The following SLC23A2 variants were observed in gnomAD, a reference collection of about 807,000 sequenced individuals.
The protein encoded by SLC23A2 is Na(+)/L-ascorbic acid transporter 2.
A neutral mutation model predicts 73.3 loss-of-function variants in SLC23A2; 36 were observed. That is an observed-to-expected ratio of 0.49 (90% CI 0.38 to 0.65). SLC23A2 has a LOEUF of 0.65. Ranked by LOEUF, SLC23A2 falls within the 30% of genes least tolerant of loss-of-function variation. The pLI, the probability that SLC23A2 is intolerant of heterozygous loss-of-function variation, is 0.00. For synonymous variants in SLC23A2, 343 were observed against 327.3 expected (o/e 1.05, Z -0.52); for missense variants, 507 against 841.6 (o/e 0.60, Z 4.92).
chr20:4,948,465 T>C (rs2122127808), intron 2 of SLC23A2, among the ~76,000 whole-genome samples: 1 of 152,286 alleles, frequency 6.6e-6, no homozygotes, highest in South Asian at 2.1e-4. Context: ...TACCAAGAGT[T>C]CCTCTTCCCT....
intron 6 of SLC23A2, among the ~76,000 whole-genome samples, chr20:4,889,999 G>A (rs1016210395): frequency 1.3e-5 from 2 of 152,090 alleles, no homozygotes; most frequent in East Asian, 1.9e-4. Flanking sequence ...GATGCCGGGC[G>A]GCTTGCAGTC....
rs1929668883 is a variant in SLC23A2, at chr20:4,855,193, C to T, written c.*1779G>A. 6.6e-6 allele frequency: 1 copy of T among 152,384 alleles called. No homozygotes were observed. The highest frequency in any genetic ancestry group is 1.5e-5 in the Non-Finnish European group (1 of 68,016). The allele number at this position is 152,384 out of a possible 1,614,324, so 9.4% of individuals were successfully genotyped here. A position where few individuals can be genotyped will look rare whatever the true frequency, so the allele number is the denominator to read the frequency against. On this transcript the variant is annotated 3_prime_UTR_variant, in exon 17 of 17. Transcript: ENST00000338244. ...TTCTTGCCAGAATAAACCTTGAAGC[C>T]CCAAACTTCCAAGAGTGAAGGGGGC...
At chr20:4,973,655 C>T (rs1307493053) in intron 1 of SLC23A2, among the ~76,000 whole-genome samples, 8 of 152,198 alleles carry the variant, frequency 5.3e-5, no homozygotes, top group Non-Finnish European at 8.8e-5. Flanking sequence ...CAGAGCGCTC[C>T]GCTGAATGCC....
At chr20:4,922,735 G>A (rs889009810) in intron 3 of SLC23A2, among the ~76,000 whole-genome samples, 1 of 152,006 alleles carries the variant, frequency 6.6e-6, no homozygotes, top group South Asian at 2.1e-4. Flanking sequence ...GGGAGGCTGA[G>A]GCACAAGAAC....
chr20:4,946,610 A>G (rs1480698813), intron 2 of SLC23A2, among the ~76,000 whole-genome samples: 1 of 152,186 alleles, frequency 6.6e-6, no homozygotes, highest in Non-Finnish European at 1.5e-5. Flanking sequence ...CCAAAGACTT[A>G]GTCCCAGAAG....
intron 3 of SLC23A2, among the ~76,000 whole-genome samples, chr20:4,916,891 G>A (rs999528319): frequency 1.3e-5 from 2 of 152,202 alleles, no homozygotes; most frequent in African/African-American, 4.8e-5. Context: ...CTGAGCACAT[G>A]TGAGGTAGGC....
intron 6 of SLC23A2, among the ~76,000 whole-genome samples, chr20:4,896,736 G>T (rs1414741603): frequency 6.6e-6 from 1 of 152,150 alleles, no homozygotes; most frequent in African/African-American, 2.4e-5. Context: ...GATCCCCTGG[G>T]ATGGTCCTCA....
At chr20:4,966,391 T>C (rs1412480239) in intron 2 of SLC23A2, among the ~76,000 whole-genome samples, 2 of 152,144 alleles carry the variant, frequency 1.3e-5, no homozygotes, top group East Asian at 1.9e-4. Context: ...TAAAGCTATG[T>C]GGGGTTTAAA....
chr20:4,861,957 G>C lies in SLC23A2; in HGVS notation c.1615C>G (p.Leu539Val). 1 of 1,614,168 alleles carries C rather than the reference G, an allele frequency of 6.2e-7. No homozygotes were observed. The highest frequency in any genetic ancestry group is 1.3e-5 in the African/African-American group (1 of 75,054). The change falls in exon 15 of 17, where the codon CTG (leucine) becomes GTG (valine). Residue 539 changes from leucine (L) to valine (V), a missense_variant. Physicochemically the swap from Leu to Val is conservative, Grantham distance 32. Around this residue, in one of 5 missense-constraint regions of SLC23A2, gnomAD observed 168 missense variants for 302.3 expected, o/e 0.56. Transcript: ENST00000338244. ...VLPSYLRQNP[L>V]VTGITGIDQV... is the part of the protein sequence containing the mutation. ...AAGCCCATTTCCTCACCTGTGACCA[G>C]AGGGTTCTGTCTGAGGTAACTTGGA... is the stretch of plus-strand genomic sequence containing the variant.
At chr20:4,866,988 G>A (rs1385585175) in intron 13 of SLC23A2, among the ~76,000 whole-genome samples, 1 of 149,406 alleles carries the variant, frequency 6.7e-6, no homozygotes, top group African/African-American at 2.5e-5. Flanking sequence ...CCTCCCAGTT[G>A]GGATCCCATT....
chr20:4,954,373 C>T (rs1402766140), intron 2 of SLC23A2, among the ~76,000 whole-genome samples: 1 of 152,008 alleles, frequency 6.6e-6, no homozygotes, highest in Non-Finnish European at 1.5e-5. Context: ...ATCTATCATG[C>T]CACAAGGAAA....
At chr20:4,957,800 C>A (rs2087315741) in intron 2 of SLC23A2, among the ~76,000 whole-genome samples, 1 of 150,736 alleles carries the variant, frequency 6.6e-6, no homozygotes, top group Non-Finnish European at 1.5e-5. Flanking sequence ...ACTCGGGAGG[C>A]TGAGGCAGGA....
At chr20:4,866,268 G>A (rs929786311) in intron 13 of SLC23A2, among the ~76,000 whole-genome samples, 1 of 152,176 alleles carries the variant, frequency 6.6e-6, no homozygotes, top group Non-Finnish European at 1.5e-5. Flanking sequence ...TGCTCACCCA[G>A]AACAGTACAG....
intron 2 of SLC23A2, among the ~76,000 whole-genome samples, chr20:4,948,298 G>A (rs2087148095): frequency 1.3e-5 from 2 of 151,998 alleles, no homozygotes; most frequent in South Asian, 2.1e-4. Flanking sequence ...ACCCAATTAC[G>A]CCTGCTTGGT....
chr20:4,856,931 T>TA lies in SLC23A2; in HGVS notation c.*40dup. 1.0e-5 allele frequency: 13 copies of TA among 1,273,424 alleles called. No individual in the cohort carries two copies. The highest frequency in any genetic ancestry group is 1.5e-5 in the Non-Finnish European group (13 of 876,888). 78.9% of individuals were successfully genotyped at this position (1,273,424 alleles called of 1,614,324 possible). On this transcript the variant is annotated 3_prime_UTR_variant, in exon 17 of 17. Coordinates refer to ENST00000338244, the MANE Select transcript of SLC23A2 (RefSeq NM_005116.6). The surrounding 1 kb of genome is among the most constrained non-coding windows in gnomAD (Gnocchi z 4.6). ...TTGTTACTCAGCAAGGAACTACAGA[T>TA]ACATGCCTCACTGCGGCCAGGCCAC...
chr20:4,933,929 A>C, intron 2 of SLC23A2, among the ~76,000 whole-genome samples: 1 of 152,320 alleles, frequency 6.6e-6, no homozygotes, highest in Admixed American at 6.5e-5. Flanking sequence ...GGAACTCTTC[A>C]TGGGACACTT....
upstream of SLC23A2, among the ~76,000 whole-genome samples, chr20:5,004,743 T>C (rs1004301052): frequency 1.2e-4 from 18 of 152,178 alleles, no homozygotes; most frequent in Admixed American, 9.8e-4. Context: ...CTCACGCCTG[T>C]AATCCCAGCA....
chr20:4,897,756 G>A (rs1225498664), intron 6 of SLC23A2, among the ~76,000 whole-genome samples: 1 of 152,130 alleles, frequency 6.6e-6, no homozygotes, highest in Admixed American at 6.5e-5. Flanking sequence ...TGCCCATCAG[G>A]CTCAGCTGCT....
chr20:4,914,383 T>C (rs192991805), intron 3 of SLC23A2, among the ~76,000 whole-genome samples: 9 of 152,124 alleles, frequency 5.9e-5, no homozygotes, highest in Admixed American at 6.5e-5. Flanking sequence ...ATGGAAATAA[T>C]TATTAAAATT....
Sources: allele counts gnomAD v4.1 joint callset (sites outside exome capture counted in the v4.1 genomes callset), GRCh38; gene constraint gnomAD v4.1.1; regional missense constraint gnomAD v4.1.1; non-coding constraint Gnocchi (gnomAD v3.1); transcripts MANE v1.5; gene names NCBI Gene and HGNC (gene_info 2026-07-23, HGNC 2026-07-21).